WDPCP: variants seen among roughly 807,000 people sequenced by gnomAD.
The protein encoded by WDPCP is WD repeat containing planar cell polarity effector, also known as WD repeat-containing and planar cell polarity effector protein fritz homolog.
A neutral mutation model predicts 93.1 loss-of-function variants in WDPCP; 71 were observed. The observed-to-expected ratio is 0.76, with a 90% CI of 0.63 to 0.93. WDPCP has a LOEUF of 0.93. Ranked by LOEUF, WDPCP falls within the 40% of genes least tolerant of loss-of-function variation. WDPCP has a pLI of 0.00. For missense variants in WDPCP, 844 were observed against 887.4 expected (o/e 0.95, Z 0.62); for synonymous variants, 315 against 315.0 (o/e 1.00, Z 0.00).
chr2:63,778,516 C>T (rs1231423940), intron 2 of WDPCP, among the ~76,000 whole-genome samples: 1 of 151,994 alleles, frequency 6.6e-6, no homozygotes, highest in Non-Finnish European at 1.5e-5. Context: ...CTCCCTTGTC[C>T]ACTTGTTGAA....
At chr2:63,599,285 A>C (rs1709377557) in intron 3 of WDPCP, 6 of 1,610,018 alleles carry the variant, frequency 3.7e-6, no homozygotes, top group African/African-American at 1.3e-5. Flanking sequence ...AACCGAGCTA[A>C]AGCTCAAGTA....
chr2:63,152,495 C>T (rs62180316), intron 17 of WDPCP, among the ~76,000 whole-genome samples: 21,672 of 152,130 alleles, frequency 0.14, 1,942 homozygotes, highest in Middle Eastern at 0.21. Context: ...TGGTCTCAAA[C>T]TCCTGGCTTC....
At chr2:63,408,980 C>T (rs1467434281) in intron 9 of WDPCP, among the ~76,000 whole-genome samples, 1 of 152,182 alleles carries the variant, frequency 6.6e-6, no homozygotes, top group Non-Finnish European at 1.5e-5. Context: ...TAGTGGAAGA[C>T]AAAGGGCATA....
Position 63,665,083 on chromosome 2 carries a change from T to G in WDPCP, n.309-14245A>C, listed in dbSNP as rs116214698. Among the ~76,000 whole-genome samples, 1,364 of 152,338 alleles carry G rather than the reference T, an allele frequency of 9.0e-3. 19 individuals carry two copies. Among genetic ancestry groups the G allele is most frequent in the African/African-American group, 0.03 (1,255 of 41,586 alleles). On this transcript the variant is annotated intron_variant and non_coding_transcript_variant, in intron 2 of 4. Transcript: ENST00000467687. ...GACAGAATCCCTTAGGAGAGTGCTCTCTCTATCAGAAGCCTAGGATAAGAG... is the reference window on the plus strand; with the variant it reads ...GACAGAATCCCTTAGGAGAGTGCTCGCTCTATCAGAAGCCTAGGATAAGAG...
chr2:63,732,072 ACTATTG>A (rs1191138963), intron 2 of WDPCP, among the ~76,000 whole-genome samples: 1 of 152,206 alleles, frequency 6.6e-6, no homozygotes, highest in Non-Finnish European at 1.5e-5. Flanking sequence ...GCTCCATGTG[ACTATTG>A]GTCTTTATGG....
At chr2:63,839,054 G>T in the WDPCP span, among the ~76,000 whole-genome samples, 1 of 152,166 alleles carries the variant, frequency 6.6e-6, no homozygotes, top group Non-Finnish European at 1.5e-5. Context: ...CCTGAAGATG[G>T]GTAGTTAGTT....
intron 1 of WDPCP, among the ~76,000 whole-genome samples, chr2:63,495,508 T>C (rs1334601795): frequency 6.6e-6 from 1 of 152,234 alleles, no homozygotes; most frequent in Admixed American, 6.5e-5. Flanking sequence ...GACTGGAATG[T>C]TTGTTTTAAA....
At chr2:63,299,542 G>A (rs1685168524) in intron 13 of WDPCP, among the ~76,000 whole-genome samples, 1 of 152,166 alleles carries the variant, frequency 6.6e-6, no homozygotes, top group South Asian at 2.1e-4. Flanking sequence ...TAGTTCATGT[G>A]CTCCTCTGTT....
At chr2:63,257,501 G>C (rs1681246690) in intron 14 of WDPCP, among the ~76,000 whole-genome samples, 4 of 152,126 alleles carry the variant, frequency 2.6e-5, no homozygotes, top group Admixed American at 1.3e-4. Context: ...TCATGTAATA[G>C]GGCAACCTCT....
chr2:63,376,856 G>A (rs1378180944), intron 12 of WDPCP, among the ~76,000 whole-genome samples: 1 of 151,822 alleles, frequency 6.6e-6, no homozygotes, highest in Non-Finnish European at 1.5e-5. Context: ...TAAAATTGCT[G>A]TTTTCCAGAG....
chr2:63,738,085 G>A (rs1009989743), intron 2 of WDPCP, among the ~76,000 whole-genome samples: 3 of 152,022 alleles, frequency 2.0e-5, no homozygotes, highest in African/African-American at 7.2e-5. Flanking sequence ...TAATGTAGCT[G>A]GTCTGGAGAC....
In WDPCP at chr2:63,522,455, G is replaced by GACACACACACAC. The variant is rs112008719; in HGVS notation, c.76-29527_76-29516dup. 8.3e-3 allele frequency among the ~76,000 whole-genome samples: 1,050 copies of GACACACACACAC among 127,204 alleles called. 23 individuals carry two copies. Among genetic ancestry groups the GACACACACACAC allele is most frequent in the African/African-American group, 0.024 (817 of 33,530 alleles). 83.5% of individuals were successfully genotyped at this position (127,204 alleles called of 152,430 possible). On this transcript the variant is annotated intron_variant, in intron 1 of 17. Coordinates refer to ENST00000272321, the MANE Select transcript of WDPCP (RefSeq NM_015910.7). The stretch of plus-strand genomic sequence containing the variant: ...GGAAATCAAGACAGACAGACAGACA[G>GACACACACACAC]ACACACACACACACACACACACACA...
At chr2:63,577,682 C>G (rs1386264201) in intron 1 of WDPCP, among the ~76,000 whole-genome samples, 1 of 152,062 alleles carries the variant, frequency 6.6e-6, no homozygotes, top group East Asian at 1.9e-4. Context: ...CCTGGTATAT[C>G]CCCTCTAAAA....
At chr2:63,430,972 T>C (rs193017798) in intron 9 of WDPCP, among the ~76,000 whole-genome samples, 106 of 152,320 alleles carry the variant, frequency 7.0e-4, no homozygotes, top group Non-Finnish European at 3.5e-4. Context: ...AAAATGTTTC[T>C]CCTCTGAAAA....
At chr2:63,696,468 C>G (rs185611198) in intron 2 of WDPCP, among the ~76,000 whole-genome samples, 34 of 152,268 alleles carry the variant, frequency 2.2e-4, no homozygotes, top group African/African-American at 7.9e-4. Context: ...TAACTAAGGA[C>G]AGAAACCAGA....
At chr2:63,594,649 T>C in intron 3 of WDPCP, 2 of 1,155,434 alleles carry the variant, frequency 1.7e-6, no homozygotes, top group Non-Finnish European at 2.6e-6. Flanking sequence ...TAAAAATCTG[T>C]ATTTAGTTGT....
upstream of WDPCP, chr2:63,588,752 C>T (rs1424629434): frequency 1.9e-6 from 1 of 522,920 alleles, no homozygotes; most frequent in Non-Finnish European, 3.5e-6. Context: ...CCTCCAATCA[C>T]AGGGGCTCAT....
chr2:63,404,658 C>T lies in WDPCP; in HGVS notation c.826-1G>A, dbSNP rs781487374. ...ATTCTGTGCGGACAGAACTCAGAAC[C>T]TGTTAAGAAATATATCAAGTACATT... On this transcript the variant is annotated splice_acceptor_variant, in intron 9 of 17. Coordinates refer to ENST00000272321, the MANE Select transcript of WDPCP (RefSeq NM_015910.7). LOFTEE classifies it high-confidence loss of function. 4 of 1,613,950 alleles carry T rather than the reference C, an allele frequency of 2.5e-6. No individual in the cohort carries two copies. Among genetic ancestry groups the T allele is most frequent in the Non-Finnish European group, 3.4e-6 (4 of 1,179,942 alleles).
chr2:63,515,638 T>A (rs1357433540), intron 1 of WDPCP, among the ~76,000 whole-genome samples: 1 of 152,246 alleles, frequency 6.6e-6, no homozygotes, highest in Non-Finnish European at 1.5e-5. Context: ...TACCATTTTA[T>A]GTTTGATCAA....
Sources: gnomAD v4.1 joint callset for allele counts (sites outside exome capture counted in the v4.1 genomes callset) on GRCh38, gnomAD v4.1.1 for gene constraint, MANE v1.5 for transcripts, NCBI Gene and HGNC (gene_info 2026-07-23, HGNC 2026-07-21) for gene names.